RPH3A: variants seen among roughly 807,000 people sequenced by gnomAD.
The protein encoded by RPH3A is rabphilin-3A.
Under a neutral mutation model 102.2 loss-of-function variants are expected in RPH3A, and 48 were observed. The observed-to-expected ratio is 0.47, with a 90% CI of 0.37 to 0.60. The LOEUF (loss-of-function observed/expected upper bound fraction) is 0.60. Ranked by LOEUF, RPH3A falls within the 20% of genes least tolerant of loss-of-function variation. RPH3A has a pLI of 0.00. For missense variants in RPH3A, 781 were observed against 910.1 expected, an observed-to-expected ratio of 0.86 and a Z score of 1.83; for synonymous variants, 310 against 324.3, an observed-to-expected ratio of 0.96 and a Z score of 0.47.
chr12:112,867,920 G>A (rs1470759788), intron 7 of RPH3A, among the ~76,000 whole-genome samples: 1 of 152,180 alleles, frequency 6.6e-6, no homozygotes, highest in East Asian at 1.9e-4. Flanking sequence ...CAGCCTCCTG[G>A]GGCACAGAGC....
chr12:112,887,826 G>T lies in RPH3A; in HGVS notation c.1466G>T (p.Gly489Val). ...TCCGTCTGTGATGAGGACAAATTTG[G>T]CCACAATGAATTTATTGGTGAGACC... ...RISVCDEDKFGHNEFIGETRF... is the reference protein window; with the variant it reads ...RISVCDEDKFVHNEFIGETRF... Residue 489 changes from glycine to valine, a missense_variant, in exon 17 of 22, where the codon GGC becomes GTC. Gly to Val is a moderately radical substitution (Grantham distance 109). This residue lies in a region of RPH3A where 730 missense variants were observed against 810.0 expected (regional missense o/e 0.90). Transcript: ENST00000389385. 2 of 1,613,742 alleles carry T rather than the reference G, an allele frequency of 1.2e-6. No homozygotes were observed. Among genetic ancestry groups the T allele is most frequent in the Non-Finnish European group, 8.5e-7 (1 of 1,179,766 alleles).
intron 1 of RPH3A, among the ~76,000 whole-genome samples, chr12:112,615,700 C>A (rs1322676689): frequency 6.6e-6 from 1 of 152,150 alleles, no homozygotes; most frequent in African/African-American, 2.4e-5. Flanking sequence ...GTCCAAGGAT[C>A]TCAGTGCTTT....
At position 112,831,134 on chromosome 12, in the gene RPH3A, GCTGA is replaced by G. The variant is rs2041963842; in HGVS notation, c.71+2749_71+2752del. On this transcript the variant is annotated intron_variant, in intron 3 of 21. Transcript: ENST00000389385. Reference sequence around the variant, plus strand: ...TTTTTTTTTTACATAAAAACAGGCGGCTGACTGTATTTGGCCTGTAGGCTATAGT... The same window carrying G: ...TTTTTTTTTTACATAAAAACAGGCGGCTGTATTTGGCCTGTAGGCTATAGT... Among the ~76,000 whole-genome samples the G allele has an allele frequency of 4.6e-5, 7 of 151,318 alleles. No homozygotes were observed. In the South Asian group the frequency reaches 1.5e-3, roughly 32 times the overall value.
chr12:112,875,742 G>T lies in RPH3A; in HGVS notation c.946+1G>T. On this transcript the variant is annotated splice_donor_variant, in intron 12 of 21. Coordinates refer to ENST00000389385, the MANE Select transcript of RPH3A (RefSeq NM_001143854.2). LOFTEE classifies it high-confidence loss of function. ...GGACGCTTTCCAGATCAGAAGCCAG[G>T]CAAGTATCTGCTTCCTCCCATGCCT... The T allele has an allele frequency of 1.2e-6, 2 of 1,613,638 alleles. No individual in the cohort carries two copies. Among genetic ancestry groups the T allele is most frequent in the Non-Finnish European group, 1.7e-6 (2 of 1,179,834 alleles).
At chr12:112,788,441 A>G (rs530745696), upstream of RPH3A, among the ~76,000 whole-genome samples, 1 of 152,326 alleles carries the variant, frequency 6.6e-6, no homozygotes, top group Admixed American at 6.5e-5. Context: ...CAGGGTCATG[A>G]AAACACAGGC....
intron 1 of RPH3A, among the ~76,000 whole-genome samples, chr12:112,670,061 A>G (rs1047428434): frequency 9.9e-5 from 15 of 152,260 alleles, no homozygotes; most frequent in Admixed American, 4.6e-4. Context: ...ATTTTCAGAA[A>G]TAGTATTGAT....
At position 112,710,901 on chromosome 12, in the gene RPH3A, C is replaced by T. The variant is rs192960891; in HGVS notation, c.-139-81242C>T. Among the ~76,000 whole-genome samples, 432 of 152,218 alleles carry T rather than the reference C, an allele frequency of 2.8e-3. 2 individuals carry two copies. Among genetic ancestry groups the T allele is most frequent in the African/African-American group, 9.8e-3 (408 of 41,538 alleles). On this transcript the variant is annotated intron_variant, in intron 1 of 21. Coordinates refer to the RPH3A transcript ENST00000543106. ...GTCTCTTATGTAACACAGCACCTAG[C>T]ACATAGTAGGTGCTTAATAAATATT...
chr12:112,763,249 A>C (rs916702225), intron 1 of RPH3A, among the ~76,000 whole-genome samples: 1 of 152,232 alleles, frequency 6.6e-6, no homozygotes, highest in Non-Finnish European at 1.5e-5. Context: ...TGCTCACCGA[A>C]TGAATGTGTC....
upstream of RPH3A, among the ~76,000 whole-genome samples, chr12:112,786,953 T>C (rs2041055743): frequency 6.6e-6 from 1 of 152,126 alleles, no homozygotes; most frequent in Non-Finnish European, 1.5e-5. Flanking sequence ...TTTCCTCACC[T>C]TTTCCATTTT....
intron 13 of RPH3A, among the ~76,000 whole-genome samples, chr12:112,878,454 C>G (rs1405918754): frequency 6.6e-6 from 1 of 152,172 alleles, no homozygotes; most frequent in Non-Finnish European, 1.5e-5. Context: ...GTGCCTCAAA[C>G]TGTTCTAGAT....
At chr12:112,889,893 C>A in intron 17 of RPH3A, 131 bp from the exon 18 acceptor site, 1 of 774,170 alleles carries the variant, frequency 1.3e-6, no homozygotes, top group Non-Finnish European at 2.2e-6. Context: ...TGCAGGAGAG[C>A]CACAGTAGCT....
intron 1 of RPH3A, among the ~76,000 whole-genome samples, chr12:112,761,140 A>G (rs750864147): frequency 1.3e-4 from 20 of 152,306 alleles, no homozygotes; most frequent in Middle Eastern, 3.4e-3. Context: ...AACTCAGGTC[A>G]TGTAATCTCT....
At chr12:112,634,656 G>A (rs916900480) in intron 1 of RPH3A, among the ~76,000 whole-genome samples, 1 of 151,752 alleles carries the variant, frequency 6.6e-6, no homozygotes, top group Non-Finnish European at 1.5e-5. Flanking sequence ...GCAGGATGTT[G>A]TCCCATCTGT....
chr12:112,875,132 C>G lies in RPH3A; in HGVS notation c.845C>G (p.Ser282Trp). Residue 282 changes from serine to tryptophan, a missense_variant, in exon 11 of 22, where the codon TCG (serine) becomes TGG (tryptophan). Physicochemically the swap from Ser to Trp is radical, Grantham distance 177. Around this residue, in one of 2 missense-constraint regions of RPH3A, gnomAD observed 730 missense variants for 810.0 expected, o/e 0.90. Transcript: ENST00000389385. ...SVQASRPAPG[S>W]VQSPAPPQPG... ...CAGGCCTCCAGACCTGCCCCAGGCT[C>G]GGTGCAGAGCCCAGCGCCACCTCAG... 6.2e-7 allele frequency: 1 copy of G among 1,609,684 alleles called. No homozygotes were observed. Among genetic ancestry groups the G allele is most frequent in the Non-Finnish European group, 8.5e-7 (1 of 1,178,510 alleles).
intron 1 of RPH3A, among the ~76,000 whole-genome samples, chr12:112,661,538 C>T (rs945523051): frequency 1.3e-5 from 2 of 152,098 alleles, no homozygotes; most frequent in African/African-American, 2.4e-5. Context: ...TAGGAAATAG[C>T]GTGTTTTATT....
Position 112,890,066 on chromosome 12 carries a change from C to A in RPH3A, c.1606C>A (p.Leu536Ile). The A allele has an allele frequency of 1.2e-6, 2 of 1,613,742 alleles. No homozygotes were observed. The highest frequency in any genetic ancestry group is 1.7e-6 in the Non-Finnish European group (2 of 1,180,002). The change falls in exon 18 of 22, where the codon CTT (leucine) becomes ATT (isoleucine). Residue 536 changes from leucine to isoleucine, a missense_variant. Transcript: ENST00000389385. ...CACCGGGTCAGCCCGAGGCATGGCC[C>A]TTTATGAGGAAGAGGTGAGCACTGA... is the stretch of plus-strand genomic sequence containing the variant. ...GTTGSARGMA[L>I]YEEEQVERVG...
intron 15 of RPH3A, among the ~76,000 whole-genome samples, chr12:112,882,233 C>G (rs2042927339): frequency 6.6e-6 from 1 of 152,174 alleles, no homozygotes; most frequent in African/African-American, 2.4e-5. Flanking sequence ...ATGAGTGGCT[C>G]TCTCCAAATT....
At chr12:112,669,560 G>C (rs946828352) in intron 1 of RPH3A, among the ~76,000 whole-genome samples, 1 of 152,126 alleles carries the variant, frequency 6.6e-6, no homozygotes, top group African/African-American at 2.4e-5. Context: ...AGAGTAAAAA[G>C]TGAAAGAATT....
intron 1 of RPH3A, among the ~76,000 whole-genome samples, chr12:112,676,689 T>C (rs2040177168): frequency 6.6e-6 from 1 of 152,140 alleles, no homozygotes; most frequent in Non-Finnish European, 1.5e-5. Flanking sequence ...AGTAGTAAAT[T>C]ATTCAGGTAC....
Sources: gnomAD v4.1 joint callset for allele counts (sites outside exome capture counted in the v4.1 genomes callset) on GRCh38, gnomAD v4.1.1 for gene constraint, gnomAD v4.1.1 regional missense constraint, MANE v1.5 for transcripts, NCBI Gene and HGNC (gene_info 2026-07-23, HGNC 2026-07-21) for gene names.